CAST: variants seen among roughly 807,000 people sequenced by gnomAD.
The protein encoded by CAST is calpastatin.
In CAST, 76 loss-of-function variants were observed where a neutral mutation model predicts 119.6. The ratio of observed to expected loss-of-function variants is 0.64; its 90% confidence interval spans 0.53 to 0.77. CAST has a LOEUF of 0.77. Ranked by LOEUF, CAST falls within the 30% of genes least tolerant of loss-of-function variation. CAST has a pLI of 0.00. For synonymous variants in CAST, 319 were observed against 331.6 expected, an observed-to-expected ratio of 0.96 and a Z score of 0.41; for missense variants, 953 against 946.5, an observed-to-expected ratio of 1.01 and a Z score of -0.09.
the CAST span, among the ~76,000 whole-genome samples, chr5:96,154,973 G>A: frequency 2.0e-5 from 3 of 152,180 alleles, no homozygotes; most frequent in Non-Finnish European, 4.4e-5. Flanking sequence ...CTTAAGCAGT[G>A]GGGAGCTATT....
chr5:96,642,562 A>G (rs1392263687), intron 1 of CAST, among the ~76,000 whole-genome samples: 1 of 146,838 alleles, frequency 6.8e-6, no homozygotes. Context: ...TTTTTTTGAG[A>G]CAAGATTTTG....
At chr5:96,732,089 CA>C (rs979667114) in intron 9 of CAST, among the ~76,000 whole-genome samples, 1 of 145,144 alleles carries the variant, frequency 6.9e-6, no homozygotes, top group Non-Finnish European at 1.5e-5. Context: ...CTGACTTCCA[CA>C]AGGGTTGAAC....
chr5:95,963,579 A>G, the CAST span, among the ~76,000 whole-genome samples: 1 of 152,218 alleles, frequency 6.6e-6, no homozygotes. Flanking sequence ...ATTGGATTAA[A>G]AAGTTTACTC....
At chr5:96,169,096 G>A in the CAST span, among the ~76,000 whole-genome samples, 1 of 152,128 alleles carries the variant, frequency 6.6e-6, no homozygotes, top group Non-Finnish European at 1.5e-5. Flanking sequence ...AGGAAGGAAA[G>A]GAGTTGTTGT....
chr5:96,325,278 A>T, the CAST span, among the ~76,000 whole-genome samples: 1 of 152,066 alleles, frequency 6.6e-6, no homozygotes, highest in East Asian at 1.9e-4. Flanking sequence ...TAAAAAAGAG[A>T]GTTAGAGAAT....
chr5:96,607,666 TCA>T (rs1321503483), intron 1 of CAST, among the ~76,000 whole-genome samples: 1 of 152,222 alleles, frequency 6.6e-6, no homozygotes, highest in African/African-American at 2.4e-5. Flanking sequence ...TCCAGATATC[TCA>T]GTTTACTCAG....
At chr5:96,139,529 T>TAC in the CAST span, among the ~76,000 whole-genome samples, 6 of 120,276 alleles carry the variant, frequency 5.0e-5, no homozygotes, top group Non-Finnish European at 1.0e-4. Flanking sequence ...TGTATATATA[T>TAC]ACATATATAT....
chr5:95,998,485 C>T, the CAST span, among the ~76,000 whole-genome samples: 5 of 152,066 alleles, frequency 3.3e-5, no homozygotes, highest in Admixed American at 1.3e-4. Context: ...GTCCTTAGCT[C>T]CCACTTATAA....
At chr5:96,722,504 A>AGGAGTG (rs1758469394) in intron 3 of CAST, 135 bp from the exon 4 acceptor site, 1 of 655,018 alleles carries the variant, frequency 1.5e-6, no homozygotes. Context: ...ACCACCTCCT[A>AGGAGTG]CTAGATTTTT....
At chr5:96,566,962 C>T (rs1746478569) in intron 1 of CAST, among the ~76,000 whole-genome samples, 1 of 152,140 alleles carries the variant, frequency 6.6e-6, no homozygotes, top group Non-Finnish European at 1.5e-5. Context: ...CACGTACCAA[C>T]TTGTTTTAAG....
At chr5:96,620,420 T>G (rs558185539) in intron 1 of CAST, among the ~76,000 whole-genome samples, 1 of 152,310 alleles carries the variant, frequency 6.6e-6, no homozygotes, top group East Asian at 1.9e-4. Context: ...AGCAGTATGC[T>G]TCATGATCTT....
At chr5:96,169,867 G>A in the CAST span, among the ~76,000 whole-genome samples, 1 of 152,152 alleles carries the variant, frequency 6.6e-6, no homozygotes, top group African/African-American at 2.4e-5. Flanking sequence ...GACCTAATAA[G>A]GGAGCTGGGC....
At chr5:96,737,333 A>G (rs77213137) in intron 10 of CAST, among the ~76,000 whole-genome samples, 3,925 of 151,756 alleles carry the variant, frequency 0.026, 162 homozygotes, top group African/African-American at 0.088. Flanking sequence ...AAAAAAAAAC[A>G]TGAATGAAAT....
At chr5:96,314,088 C>G in the CAST span, among the ~76,000 whole-genome samples, 1 of 152,140 alleles carries the variant, frequency 6.6e-6, no homozygotes, top group Non-Finnish European at 1.5e-5. Flanking sequence ...TGGGACCTTG[C>G]TATCATAGGA....
chr5:96,524,497 T>C (rs1430297079), upstream of CAST, among the ~76,000 whole-genome samples: 1 of 152,178 alleles, frequency 6.6e-6, no homozygotes, highest in Non-Finnish European at 1.5e-5. Flanking sequence ...AGGGCCACCA[T>C]GCTCATGCTT....
At chr5:96,729,011 A>G (rs28042) in intron 6 of CAST, 142 bp from the exon 7 acceptor site, 1 of 604,626 alleles carries the variant, frequency 1.7e-6, no homozygotes, top group Non-Finnish European at 3.0e-6. Context: ...CTGTGATCCT[A>G]AAGAGTGGGC....
intron 1 of CAST, among the ~76,000 whole-genome samples, chr5:96,668,914 G>C (rs1362743398): frequency 6.6e-6 from 1 of 152,148 alleles, no homozygotes; most frequent in African/African-American, 2.4e-5. Context: ...ACACAGGGAG[G>C]ACAAGGGTCA....
intron 8 of CAST, 54 bp downstream of exon 8, chr5:96,729,779 C>T (rs1053717434): frequency 1.4e-5 from 11 of 796,594 alleles, no homozygotes; most frequent in South Asian, 2.8e-5. Context: ...TAATAAGATA[C>T]GGTTCCCCTG....
At chr5:96,222,926 C>T in the CAST span, among the ~76,000 whole-genome samples, 1 of 152,082 alleles carries the variant, frequency 6.6e-6, no homozygotes, top group Non-Finnish European at 1.5e-5. Context: ...ACTATTCAGC[C>T]ATGAAAAAGA....
Sources: allele counts gnomAD v4.1 joint callset (sites outside exome capture counted in the v4.1 genomes callset), GRCh38; gene constraint gnomAD v4.1.1; transcripts MANE v1.5; gene names NCBI Gene and HGNC (gene_info 2026-07-23, HGNC 2026-07-21).